Variants in ENOX1 observed in about 807,000 individuals in gnomAD.
The protein encoded by ENOX1 is ecto-NOX disulfide-thiol exchanger 1, also known as candidate growth-related and time keeping constitutive hydroquinone (NADH) oxidase.
In ENOX1, 42 loss-of-function variants were observed where a neutral mutation model predicts 82.5. The ratio of observed to expected loss-of-function variants is 0.51; its 90% CI spans 0.40 to 0.66. ENOX1 has a LOEUF of 0.66. Ranked by LOEUF, ENOX1 falls within the 30% of genes least tolerant of loss-of-function variation. The pLI, the probability that ENOX1 is intolerant of heterozygous loss-of-function variation, is 0.00. For missense variants in ENOX1, 608 were observed against 811.6 expected (o/e 0.75, Z 3.05); for synonymous variants, 271 against 282.2 (o/e 0.96, Z 0.40).
chr13:43,437,529 G>A (rs2056105777), intron 3 of ENOX1, among the ~76,000 whole-genome samples: 1 of 152,176 alleles, frequency 6.6e-6, no homozygotes, highest in Non-Finnish European at 1.5e-5. Context: ...CAAAGAGTTG[G>A]TGCCAGTTTT....
At chr13:43,383,648 T>C (rs942661512) in intron 5 of ENOX1, among the ~76,000 whole-genome samples, 1 of 152,190 alleles carries the variant, frequency 6.6e-6, no homozygotes, top group Non-Finnish European at 1.5e-5. Context: ...CCACAAAGAC[T>C]TCCCTCATGG....
At chr13:43,677,426 TG>T (rs1390392588) in intron 1 of ENOX1, among the ~76,000 whole-genome samples, 6 of 152,164 alleles carry the variant, frequency 3.9e-5, no homozygotes, top group Non-Finnish European at 8.8e-5. Context: ...GCTCTGAGGC[TG>T]GAAGCAGGAG....
At chr13:43,215,555 T>G (rs2041427685) in intron 16 of ENOX1, among the ~76,000 whole-genome samples, 1 of 152,230 alleles carries the variant, frequency 6.6e-6, no homozygotes, top group Admixed American at 6.5e-5. Context: ...AAGATGCATC[T>G]CCATTTTATA....
chr13:43,305,455 G>A lies in ENOX1; in HGVS notation c.1262-6925C>T, dbSNP rs553015975. ...AGTGTCTATTTCCATCTTTGTGTGA[G>A]GCCAGCGGAATAAGGGTAATTTCGG... On this transcript the variant is annotated intron_variant, in intron 11 of 16. Transcript: ENST00000690772. Among the ~76,000 whole-genome samples the A allele has an allele frequency of 2.6e-5, 4 of 152,258 alleles. No individual in the cohort carries two copies. The South Asian group carries it at 8.3e-4, about 32-fold the overall frequency.
chr13:43,494,329 T>C (rs908390652), intron 2 of ENOX1, among the ~76,000 whole-genome samples: 1 of 152,120 alleles, frequency 6.6e-6, no homozygotes, highest in African/African-American at 2.4e-5. Flanking sequence ...GATTCCTCTC[T>C]AATATGGTAA....
intron 1 of ENOX1, among the ~76,000 whole-genome samples, chr13:43,732,686 G>A (rs1594610918): frequency 6.6e-6 from 1 of 152,144 alleles, no homozygotes; most frequent in Admixed American, 6.5e-5. Flanking sequence ...TTGCTCCAAG[G>A]TTTTCTTAAA....
intron 1 of ENOX1, among the ~76,000 whole-genome samples, chr13:43,682,150 G>A (rs2085822310): frequency 6.6e-6 from 1 of 152,026 alleles, no homozygotes; most frequent in African/African-American, 2.4e-5. Flanking sequence ...TAAGGATCTG[G>A]ATAAAGCAAA....
intron 5 of ENOX1, 49 bp downstream of exon 5, chr13:43,411,867 C>T (rs1250737564): frequency 1.9e-6 from 3 of 1,607,118 alleles, no homozygotes; most frequent in Middle Eastern, 1.7e-4. Flanking sequence ...CTGTCACCTA[C>T]ACCCTTCGGC....
chr13:43,649,681 C>A (rs1307186951), intron 2 of ENOX1, among the ~76,000 whole-genome samples: 1 of 152,078 alleles, frequency 6.6e-6, no homozygotes, highest in African/African-American at 2.4e-5. Context: ...TCCATTTTTT[C>A]TCTATGAATT....
intron 7 of ENOX1, among the ~76,000 whole-genome samples, chr13:43,358,366 C>T (rs2050279609): frequency 6.8e-6 from 1 of 147,362 alleles, no homozygotes; most frequent in Admixed American, 7.1e-5. Context: ...ATCCAAAACA[C>T]AGCATTCGAG....
chr13:43,731,187 G>A (rs1234250091), intron 1 of ENOX1, among the ~76,000 whole-genome samples: 1 of 152,120 alleles, frequency 6.6e-6, no homozygotes, highest in African/African-American at 2.4e-5. Flanking sequence ...TCTAGGTAAT[G>A]ACCCCGGGTA....
chr13:43,736,857 A>C (rs1355019076), intron 1 of ENOX1, among the ~76,000 whole-genome samples: 1 of 152,196 alleles, frequency 6.6e-6, no homozygotes, highest in Non-Finnish European at 1.5e-5. Context: ...GTGGAAAGAG[A>C]TGAAACTTTG....
At chr13:43,589,383 C>A (rs2081140900) in intron 2 of ENOX1, among the ~76,000 whole-genome samples, 4 of 152,050 alleles carry the variant, frequency 2.6e-5, no homozygotes, top group African/African-American at 9.7e-5. Context: ...CTACCTGTCC[C>A]TGCCTACTCT....
chr13:43,754,054 A>C (rs1950478755), intron 1 of ENOX1, among the ~76,000 whole-genome samples: 1 of 147,130 alleles, frequency 6.8e-6, no homozygotes, highest in Non-Finnish European at 1.5e-5. Context: ...ATACACATAT[A>C]TATACATATA....
At chr13:43,446,359 GA>G (rs2056649727) in intron 3 of ENOX1, among the ~76,000 whole-genome samples, 1 of 152,104 alleles carries the variant, frequency 6.6e-6, no homozygotes, top group African/African-American at 2.4e-5. Context: ...CCTGGACTCA[GA>G]AATTCTCCAT....
chr13:43,699,329 C>A (rs2086797818), intron 1 of ENOX1, among the ~76,000 whole-genome samples: 1 of 152,088 alleles, frequency 6.6e-6, no homozygotes, highest in Non-Finnish European at 1.5e-5. Context: ...AACACACAAC[C>A]CATGCTAGCA....
chr13:43,559,371 T>A (rs2079572829), intron 2 of ENOX1, among the ~76,000 whole-genome samples: 1 of 152,194 alleles, frequency 6.6e-6, no homozygotes, highest in Admixed American at 6.5e-5. Flanking sequence ...TTTGTCACTT[T>A]ATAAACTGCA....
rs2051542663 is a variant in ENOX1, at chr13:43,375,276, G to C, written c.209-13824C>G. ...AGAACGGGGCGGGGGGTGAGTGAGA[G>C]AGAGAGAGATAGTGTCTATGTATGT... On this transcript the variant is annotated intron_variant, in intron 5 of 16. Transcript: ENST00000690772. 2.0e-5 allele frequency among the ~76,000 whole-genome samples: 3 copies of C among 152,040 alleles called. No homozygotes were observed. In the South Asian group the frequency reaches 6.2e-4, roughly 32 times the overall value.
chr13:43,659,284 T>C (rs1594297578), intron 2 of ENOX1, among the ~76,000 whole-genome samples: 2 of 151,660 alleles, frequency 1.3e-5, no homozygotes, highest in East Asian at 3.9e-4. Flanking sequence ...AGGCAAGGAG[T>C]TCAAGACCAG....
Sources: gnomAD v4.1 joint callset for allele counts (sites outside exome capture counted in the v4.1 genomes callset) on GRCh38, gnomAD v4.1.1 for gene constraint, MANE v1.5 for transcripts, NCBI Gene and HGNC (gene_info 2026-07-23, HGNC 2026-07-21) for gene names.